CDH6: variants seen among roughly 807,000 people sequenced by gnomAD.
CDH6 encodes the protein cadherin-6.
CDH6 carries 31 observed loss-of-function variants against 78.0 expected under a neutral mutation model. That is an observed-to-expected ratio of 0.40 (90% CI 0.30 to 0.54). The LOEUF (loss-of-function observed/expected upper bound fraction) is 0.54. Among genes scored for constraint, CDH6 ranks in the 20% least tolerant of loss-of-function variants. The pLI is 0.56. For synonymous variants in CDH6, 376 were observed against 368.8 expected (o/e 1.02, Z -0.23); for missense variants, 724 against 975.9 (o/e 0.74, Z 3.44).
chr5:31,323,993 C>T lies in CDH6; in HGVS notation c.*685C>T. ...TCCACTAACTCATAGTTTGTTATAT[C>T]CTAGACTAGACATGCGAAAGTTTGC... On this transcript the variant is annotated 3_prime_UTR_variant, in exon 12 of 12. Transcript: ENST00000265071. The T allele has an allele frequency of 4.5e-6, 1 of 222,524 alleles. No individual in the cohort carries two copies. The highest frequency in any genetic ancestry group is 6.0e-5 in the Admixed American group (1 of 16,654). The allele number at this position is 222,524 out of a possible 1,614,324, so 13.8% of individuals were successfully genotyped here.
intron 1 of CDH6, among the ~76,000 whole-genome samples, chr5:31,262,254 G>A (rs1248389065): frequency 6.6e-6 from 1 of 152,162 alleles, no homozygotes; most frequent in Non-Finnish European, 1.5e-5. Context: ...TGGCTGCCAG[G>A]CAAATAAATG....
intron 6 of CDH6, 41 bp from the exon 7 acceptor site, chr5:31,305,133 G>A (rs767022233): frequency 6.3e-7 from 1 of 1,580,680 alleles, no homozygotes; most frequent in Non-Finnish European, 8.6e-7. Flanking sequence ...TGTCTTGGCT[G>A]CTTTAAATAT....
At chr5:31,267,035 C>T (rs765826674) in intron 1 of CDH6, among the ~76,000 whole-genome samples, 154 of 152,304 alleles carry the variant, frequency 1.0e-3, no homozygotes, top group Non-Finnish European at 2.1e-3. Flanking sequence ...TACCAGATCT[C>T]AGCCCACATA....
chr5:31,300,355 A>C (rs1737731889), intron 5 of CDH6, among the ~76,000 whole-genome samples: 1 of 152,186 alleles, frequency 6.6e-6, no homozygotes, highest in Admixed American at 6.5e-5. Flanking sequence ...TCAATTATTC[A>C]ATAGAAAACC....
chr5:31,299,743 A>C, intron 5 of CDH6, 112 bp downstream of exon 5: 1 of 856,138 alleles, frequency 1.2e-6, no homozygotes, highest in Non-Finnish European at 1.8e-6. Context: ...GGACTTAAGA[A>C]GAACTGGTAC....
At chr5:31,204,701 G>T (rs1740465768) in intron 1 of CDH6, among the ~76,000 whole-genome samples, 1 of 152,032 alleles carries the variant, frequency 6.6e-6, no homozygotes, top group Non-Finnish European at 1.5e-5. Flanking sequence ...ATCACGGCTG[G>T]TTAGAGAAAC....
chr5:31,207,591 A>G (rs6881419), intron 1 of CDH6, among the ~76,000 whole-genome samples: 139,123 of 152,296 alleles, frequency 0.91, 63,727 homozygotes, highest in East Asian at 1. Context: ...CACACTGTAA[A>G]CATCTGGAAA....
chr5:31,322,527 C>T (rs1738499272), intron 11 of CDH6, among the ~76,000 whole-genome samples: 1 of 152,040 alleles, frequency 6.6e-6, no homozygotes, highest in African/African-American at 2.4e-5. Flanking sequence ...TATTTTTTTC[C>T]TTACCTTGAA....
rs1738548663 is a variant in CDH6 at position 31,323,955 on chromosome 5, C to G, written c.*647C>G. 4.4e-6 allele frequency: 1 copy of G among 228,324 alleles called. No individual in the cohort carries two copies. Among genetic ancestry groups the G allele is most frequent in the Non-Finnish European group, 8.7e-6 (1 of 115,100 alleles). The allele number at this position is 228,324 out of a possible 1,614,324, so 14.1% of individuals were successfully genotyped here. On this transcript the variant is annotated 3_prime_UTR_variant, in exon 12 of 12. Transcript: ENST00000265071. ...TCCAAAAGCAACCACAAACCTAGTA[C>G]GACTTCATTCCTTCCACTAACTCAT...
chr5:31,206,284 T>C (rs1740519938), intron 1 of CDH6, among the ~76,000 whole-genome samples: 1 of 152,202 alleles, frequency 6.6e-6, no homozygotes, highest in South Asian at 2.1e-4. Context: ...ATTTTATATA[T>C]ACATATATCT....
rs2149959944 is a variant in CDH6, at chr5:31,317,613, G to A, written c.1631-60G>A. 2.5e-6 allele frequency: 4 copies of A among 1,576,348 alleles called. No individual in the cohort carries two copies. The South Asian group carries it at 3.5e-5, about 14-fold the overall frequency. Reference sequence around the variant, plus strand: ...TCTATATCTATCTTTTCTTATCACAGTTGATTTAATACATGACGCAGTATC... The same window carrying A: ...TCTATATCTATCTTTTCTTATCACAATTGATTTAATACATGACGCAGTATC... On this transcript the variant is annotated intron_variant, in intron 10 of 11. Transcript: ENST00000265071.
In CDH6 at chr5:31,267,512, G is replaced by T. The variant is rs1742395388; in HGVS notation, c.39G>T (p.Val13=). The change falls in exon 2 of 12, where the codon GTG becomes GTT. Residue 13 remains valine (V), a synonymous_variant. Transcript: ENST00000265071. ...TYRYFLLLFW[V]GQPYPTLSTP... ...GCTACTTCTTGCTGCTCTTTTGGGT[G>T]GGCCAGCCCTACCCAACTCTCTCAA... is the stretch of plus-strand genomic sequence containing the variant. 4 of 1,613,956 alleles carry T rather than the reference G, an allele frequency of 2.5e-6. No individual in the cohort carries two copies. Among genetic ancestry groups the T allele is most frequent in the South Asian group, 1.1e-5 (1 of 91,088 alleles).
At chr5:31,310,363 C>T (rs1438512754) in intron 7 of CDH6, among the ~76,000 whole-genome samples, 1 of 152,210 alleles carries the variant, frequency 6.6e-6, no homozygotes, top group Non-Finnish European at 1.5e-5. Flanking sequence ...CAGCTCCATT[C>T]CTGTGGCTCT....
rs59363468 is a variant in CDH6 at position 31,199,932 on chromosome 5, G to T, written c.-129+6046G>T. ...TCTTTACTTAGCCCTTTTTTGGTTTGAATTTCCAGGGAATCTCTGTTTGAG... is the reference window on the plus strand; with the variant it reads ...TCTTTACTTAGCCCTTTTTTGGTTTTAATTTCCAGGGAATCTCTGTTTGAG... On this transcript the variant is annotated intron_variant, in intron 1 of 11. Transcript: ENST00000265071. Among the ~76,000 whole-genome samples, 1,255 of 151,368 alleles carry T rather than the reference G, an allele frequency of 8.3e-3. 21 individuals carry two copies. The highest frequency in any genetic ancestry group is 0.029 in the African/African-American group (1,190 of 41,286).
intron 1 of CDH6, among the ~76,000 whole-genome samples, chr5:31,215,496 A>T (rs1740837015): frequency 6.6e-6 from 1 of 152,208 alleles, no homozygotes; most frequent in Non-Finnish European, 1.5e-5. Flanking sequence ...TGATAAAGTT[A>T]GGTAAATTGA....
chr5:31,294,031 C>A lies in CDH6; in HGVS notation c.298C>A (p.Leu100Ile), dbSNP rs1737500708. 1 of 1,611,570 alleles carries A rather than the reference C, an allele frequency of 6.2e-7. No individual in the cohort carries two copies. Among genetic ancestry groups the A allele is most frequent in the African/African-American group, 1.3e-5 (1 of 74,654 alleles). ...CCTTTCAGGAGATGGAGCAGGAGAT[C>A]TCTTCATTATTAATGAAAACACAGG... ...YILSGDGAGD[L>I]FIINENTGDI... Residue 100 changes from leucine to isoleucine, a missense_variant, in exon 3 of 12, where the codon CTC becomes ATC. Physicochemically the swap from Leu to Ile is conservative, Grantham distance 5. Around this residue, in one of 3 missense-constraint regions of CDH6, gnomAD observed 446 missense variants for 684.5 expected, o/e 0.65. Transcript: ENST00000265071. This position sits in a 1 kb window ranked among gnomAD's most constrained non-coding sequence, Gnocchi z 4.1.
At chr5:31,320,978 TA>T (rs3028833) in intron 11 of CDH6, among the ~76,000 whole-genome samples, 7,245 of 139,974 alleles carry the variant, frequency 0.052, 436 homozygotes, top group African/African-American at 0.16. Flanking sequence ...GATTCTGTCT[TA>T]AAAAAAAAAA....
intron 1 of CDH6, chr5:31,249,415 G>A (rs1741848313): frequency 6.6e-6 from 1 of 152,174 alleles, no homozygotes; most frequent in African/African-American, 2.4e-5. Flanking sequence ...TCAATCAACT[G>A]ATGTGGTGAT....
At chr5:31,228,212 C>A (rs1428243981) in intron 1 of CDH6, among the ~76,000 whole-genome samples, 2 of 152,154 alleles carry the variant, frequency 1.3e-5, no homozygotes, top group African/African-American at 2.4e-5. Flanking sequence ...GTCTAAGGAC[C>A]TTTGTGGTTA....
Sources: allele counts gnomAD v4.1 joint callset (sites outside exome capture counted in the v4.1 genomes callset), GRCh38; gene constraint gnomAD v4.1.1; regional missense constraint gnomAD v4.1.1; non-coding constraint Gnocchi (gnomAD v3.1); transcripts MANE v1.5; gene names NCBI Gene and HGNC (gene_info 2026-07-23, HGNC 2026-07-21).